The following PSD3 variants were observed in gnomAD, a reference collection of about 807,000 sequenced individuals.
PSD3 encodes PH and SEC7 domain-containing protein 3.
In PSD3, 49 loss-of-function variants were observed where a neutral mutation model predicts 105.5. That is an observed-to-expected ratio of 0.46 (90% confidence interval 0.37 to 0.59). The LOEUF (loss-of-function observed/expected upper bound fraction) is 0.59, where lower values mean the gene tolerates loss of function less well. Ranked by LOEUF, PSD3 falls within the 20% of genes least tolerant of loss-of-function variation. The pLI is 0.00. For synonymous variants in PSD3, 557 were observed against 457.8 expected (o/e 1.22, Z -2.77); for missense variants, 1,561 against 1,263.8 (o/e 1.24, Z -3.57).
At chr8:19,073,256 T>C (rs1173236035) in intron 1 of PSD3, among the ~76,000 whole-genome samples, 2 of 151,922 alleles carry the variant, frequency 1.3e-5, no homozygotes, top group African/African-American at 4.9e-5. Context: ...GGCTTCATGA[T>C]TAAGACAGGC....
In PSD3 at chr8:18,872,208, G is replaced by A. The variant is rs777390079; in HGVS notation, c.656C>T (p.Ala219Val). 146 of 1,614,018 alleles carry A rather than the reference G, an allele frequency of 9.0e-5. 1 individual carries two copies. Among genetic ancestry groups the A allele is most frequent in the Middle Eastern group, 3.3e-4 (2 of 6,084 alleles). The change falls in exon 3 of 16, where the codon GCG becomes GTG. Residue 219 changes from alanine (A) to valine (V), a missense_variant. Physicochemically the swap from Ala to Val is moderately conservative, Grantham distance 64 (BLOSUM62 0). Coordinates refer to ENST00000327040, the MANE Select transcript of PSD3 (RefSeq NM_015310.4). ...TGCCTGAGTGTCTCCAGTTAACAGC[G>A]CGGTGAGATCTTTCTGGATGCTCAA... ...FYLSIQKDLT[A>V]LLTGDTQAEI...
At chr8:18,952,743 A>C (rs1449329374) in intron 1 of PSD3, among the ~76,000 whole-genome samples, 1 of 152,278 alleles carries the variant, frequency 6.6e-6, no homozygotes, top group Non-Finnish European at 1.5e-5. Flanking sequence ...AAGTCCATGC[A>C]ATTAAATACA....
At chr8:18,866,252 C>T (rs192535709) in intron 4 of PSD3, among the ~76,000 whole-genome samples, 113 of 152,308 alleles carry the variant, frequency 7.4e-4, no homozygotes, top group African/African-American at 2.7e-3. Flanking sequence ...GGAGCACCGC[C>T]TCACGGGGAC....
chr8:18,773,589 G>GTT (rs1449346484), intron 8 of PSD3, among the ~76,000 whole-genome samples: 1 of 152,054 alleles, frequency 6.6e-6, no homozygotes, highest in Admixed American at 6.5e-5. Flanking sequence ...AAAAAATTAA[G>GTT]TCTTCCAGTC....
At chr8:18,560,786 A>G (rs2130194879) in intron 14 of PSD3, among the ~76,000 whole-genome samples, 2 of 152,346 alleles carry the variant, frequency 1.3e-5, no homozygotes, top group African/African-American at 4.8e-5. Flanking sequence ...AAATGGGCAA[A>G]GGACTTTGCT....
At chr8:18,977,634 T>C (rs1435252813) in intron 1 of PSD3, among the ~76,000 whole-genome samples, 1 of 152,198 alleles carries the variant, frequency 6.6e-6, no homozygotes, top group East Asian at 1.9e-4. Context: ...ATAGAACATG[T>C]CATATGAGAA....
chr8:18,708,132 CCTGA>C (rs1802010763), intron 9 of PSD3, among the ~76,000 whole-genome samples: 1 of 152,206 alleles, frequency 6.6e-6, no homozygotes, highest in Admixed American at 6.5e-5. Flanking sequence ...ACAGAGGAAT[CCTGA>C]CTAATTTACA....
intron 9 of PSD3, among the ~76,000 whole-genome samples, chr8:18,676,123 T>C (rs1049729489): frequency 6.6e-6 from 1 of 152,200 alleles, no homozygotes; most frequent in African/African-American, 2.4e-5. Context: ...CATTATTGCA[T>C]AGAGTTTTCT....
At chr8:18,727,269 G>C (rs182774882) in intron 9 of PSD3, among the ~76,000 whole-genome samples, 1 of 149,822 alleles carries the variant, frequency 6.7e-6, no homozygotes, top group Non-Finnish European at 1.5e-5. Flanking sequence ...CCTGGGAGGC[G>C]GAGGTTGCAG....
intron 9 of PSD3, among the ~76,000 whole-genome samples, chr8:18,670,156 G>C (rs776415101): frequency 6.6e-6 from 1 of 152,168 alleles, no homozygotes. Flanking sequence ...GCAAGGAAAC[G>C]TAAGACGTGA....
At chr8:18,651,647 T>C (rs1159679316) in intron 10 of PSD3, among the ~76,000 whole-genome samples, 1 of 152,124 alleles carries the variant, frequency 6.6e-6, no homozygotes, top group Non-Finnish European at 1.5e-5. Context: ...ATAACCATAA[T>C]GGGGTGTAGA....
intron 9 of PSD3, among the ~76,000 whole-genome samples, chr8:18,662,204 T>C (rs1433553398): frequency 1.3e-5 from 2 of 152,190 alleles, no homozygotes; most frequent in South Asian, 2.1e-4. Context: ...CCTTATCTTA[T>C]TGAAAGAGAA....
intron 4 of PSD3, among the ~76,000 whole-genome samples, chr8:18,807,138 C>G (rs1190650876): frequency 2.6e-5 from 4 of 152,182 alleles, no homozygotes; most frequent in Non-Finnish European, 5.9e-5. Flanking sequence ...AAAATAAATG[C>G]ATTTCTAAGC....
intron 9 of PSD3, among the ~76,000 whole-genome samples, chr8:18,687,816 G>C (rs986874077): frequency 6.6e-6 from 1 of 152,226 alleles, no homozygotes; most frequent in African/African-American, 2.4e-5. Flanking sequence ...GCCCAGGCTG[G>C]AGTACAGTGG....
chr8:18,544,855 A>G (rs1476926394), intron 15 of PSD3, among the ~76,000 whole-genome samples: 1 of 152,032 alleles, frequency 6.6e-6, no homozygotes, highest in Non-Finnish European at 1.5e-5. Context: ...CAGTGCCCCT[A>G]CGGAGTTTCC....
intron 1 of PSD3, among the ~76,000 whole-genome samples, chr8:18,972,811 T>C (rs1009252669): frequency 6.6e-6 from 1 of 152,188 alleles, no homozygotes; most frequent in Admixed American, 6.5e-5. Context: ...ATGTTTGTTG[T>C]TTAAGCTACG....
intron 15 of PSD3, among the ~76,000 whole-genome samples, chr8:18,549,673 T>C (rs1800652575): frequency 6.6e-6 from 1 of 152,232 alleles, no homozygotes; most frequent in Non-Finnish European, 1.5e-5. Flanking sequence ...GTCACCCTAT[T>C]TACCTGTTTC....
intron 1 of PSD3, among the ~76,000 whole-genome samples, chr8:19,049,082 A>T (rs950841034): frequency 6.6e-5 from 10 of 152,168 alleles, no homozygotes; most frequent in Non-Finnish European, 1.5e-4. Context: ...TTACCTCTTT[A>T]AATCCCTATC....
chr8:19,070,178 C>G (rs192761424), intron 1 of PSD3, among the ~76,000 whole-genome samples: 19 of 151,942 alleles, frequency 1.3e-4, no homozygotes, highest in East Asian at 9.7e-4. Flanking sequence ...GTTATGGCTA[C>G]GAGAGGCATA....
Sources: allele counts gnomAD v4.1 joint callset (sites outside exome capture counted in the v4.1 genomes callset), GRCh38; gene constraint gnomAD v4.1.1; transcripts MANE v1.5; gene names NCBI Gene and HGNC (gene_info 2026-07-23, HGNC 2026-07-21).